Variants in TPO observed in about 807,000 individuals in gnomAD.
TPO encodes the protein thyroid peroxidase.
Under a neutral mutation model 96.9 loss-of-function variants are expected in TPO, and 78 were observed. The ratio of observed to expected loss-of-function variants is 0.81; its 90% CI spans 0.67 to 0.97. TPO has a LOEUF of 0.97. Ranked by LOEUF, TPO falls within the 50% of genes least tolerant of loss-of-function variation. TPO has a pLI of 0.00. For missense variants in TPO, 1,252 were observed against 1,274.8 expected, an observed-to-expected ratio of 0.98 and a Z score of 0.27; for synonymous variants, 547 against 538.0, an observed-to-expected ratio of 1.02 and a Z score of -0.23.
intron 10 of TPO, 131 bp from the exon 11 acceptor site, chr2:1,493,671 G>A (rs1672031640): frequency 9.2e-7 from 1 of 1,083,272 alleles, no homozygotes; most frequent in Non-Finnish European, 1.4e-6. Flanking sequence ...CAAACTGCCA[G>A]GCAGTGTCAC....
intron 15 of TPO, among the ~76,000 whole-genome samples, chr2:1,523,185 TC>T (rs369142855): frequency 4.6e-5 from 2 of 43,794 alleles, no homozygotes; most frequent in Non-Finnish European, 8.4e-5. Context: ...CCTCCTCAAA[TC>T]CCCCCAACTG....
intron 10 of TPO, among the ~76,000 whole-genome samples, chr2:1,489,146 GCCCAGCACATA>G (rs1671460532): frequency 7.0e-6 from 1 of 142,186 alleles, no homozygotes; most frequent in African/African-American, 2.7e-5. Flanking sequence ...ACCAGCACAT[GCCCAGCACATA>G]CCCAGCACAC....
chr2:1,420,749 T>C (rs1663428178), intron 2 of TPO, among the ~76,000 whole-genome samples: 1 of 151,946 alleles, frequency 6.6e-6, no homozygotes, highest in South Asian at 2.1e-4. Context: ...AGAAGGATGG[T>C]GGGGAGATCA....
chr2:1,406,628 C>T (rs1281753550), intron 1 of TPO, among the ~76,000 whole-genome samples: 1 of 152,216 alleles, frequency 6.6e-6, no homozygotes, highest in African/African-American at 2.4e-5. Flanking sequence ...GCATCTTCCT[C>T]TCTATTAATC....
intron 3 of TPO, among the ~76,000 whole-genome samples, chr2:1,429,170 G>A (rs546320581): frequency 4.6e-5 from 7 of 152,210 alleles, no homozygotes; most frequent in Admixed American, 2.6e-4. Context: ...GTTACTTCAC[G>A]TGAGATCTGG....
intron 15 of TPO, among the ~76,000 whole-genome samples, chr2:1,538,862 G>T (rs13392535): frequency 0.13 from 19,327 of 152,196 alleles, 1,336 homozygotes; most frequent in Non-Finnish European, 0.14. Flanking sequence ...TTGGAAGGAC[G>T]AATGCGCCTT....
intron 15 of TPO, among the ~76,000 whole-genome samples, chr2:1,524,581 TACTGTGTGTAACCTCCTCAAATCCGCTC>T (rs1422707984): frequency 1.3e-3 from 26 of 20,500 alleles, no homozygotes; most frequent in South Asian, 3.1e-3. Context: ...CCAATCCCCC[TACTGTGTGTAACCTCCTCAAATCCGCTC>T]ACTGTGTGCA....
chr2:1,496,436 C>T (rs939323315), intron 12 of TPO, among the ~76,000 whole-genome samples, 159 bp from the exon 13 acceptor site: 2 of 152,260 alleles, frequency 1.3e-5, no homozygotes, highest in East Asian at 1.9e-4. Context: ...GGGAAGAGGC[C>T]GTGTGTGCTG....
upstream of TPO, among the ~76,000 whole-genome samples, chr2:1,411,810 G>A (rs1406370662): frequency 6.6e-6 from 1 of 152,060 alleles, no homozygotes; most frequent in Non-Finnish European, 1.5e-5. Context: ...CCTTTGTCTT[G>A]TAAGGAGCTG....
intron 15 of TPO, among the ~76,000 whole-genome samples, chr2:1,522,136 C>T (rs961716861): frequency 7.5e-5 from 9 of 120,616 alleles, no homozygotes; most frequent in East Asian, 2.3e-4. Context: ...GCCCTGCCAC[C>T]GTGCCCTTAC....
chr2:1,487,604 G>A (rs1671290325), intron 9 of TPO, among the ~76,000 whole-genome samples: 1 of 152,170 alleles, frequency 6.6e-6, no homozygotes, highest in South Asian at 2.1e-4. Flanking sequence ...AAGCATGGTA[G>A]CGGGCGCCTG....
chr2:1,457,771 C>G (rs1197393885), intron 7 of TPO, among the ~76,000 whole-genome samples: 1 of 151,346 alleles, frequency 6.6e-6, no homozygotes, highest in Non-Finnish European at 1.5e-5. Flanking sequence ...CATGTATTGG[C>G]ACATCACAGG....
chr2:1,419,146 G>A (rs936332370), intron 2 of TPO, among the ~76,000 whole-genome samples: 2 of 152,182 alleles, frequency 1.3e-5, no homozygotes, highest in Admixed American at 6.5e-5. Flanking sequence ...GGGGAACCGT[G>A]CCATGCGCCC....
chr2:1,528,479 C>T (rs1477888715), intron 15 of TPO, among the ~76,000 whole-genome samples: 1 of 144,766 alleles, frequency 6.9e-6, no homozygotes, highest in Admixed American at 6.8e-5. Context: ...CTGTGTGCAA[C>T]CTCCTCAAAT....
chr2:1,412,139 C>T (rs547766768), upstream of TPO, among the ~76,000 whole-genome samples: 44 of 152,352 alleles, frequency 2.9e-4, no homozygotes, highest in African/African-American at 9.4e-4. Context: ...GCCTGTGCCA[C>T]GGGCACCTCC....
rs1397537763 is a variant in TPO at position 1,535,285 on chromosome 2, AACCTCCTCAAATCCCTG to A, written c.2619-5308_2619-5292del. The stretch of plus-strand genomic sequence containing the variant: ...TCCCAAAATCCCCCATACTGTATGC[AACCTCCTCAAATCCCTG>A]TACTGTGTGCAACCTCCTCAAATCC... On this transcript the variant is annotated intron_variant, in intron 15 of 16. Coordinates refer to ENST00000329066, the MANE Select transcript of TPO (RefSeq NM_001206744.2). 2.0e-3 allele frequency among the ~76,000 whole-genome samples: 264 copies of A among 129,772 alleles called. 17 individuals carry two copies. Among genetic ancestry groups the A allele is most frequent in the Middle Eastern group, 4.7e-3 (1 of 214 alleles). 85.1% of individuals were successfully genotyped at this position (129,772 alleles called of 152,430 possible).
rs1461423076 is a variant in TPO, at chr2:1,525,959, A to G, written c.2618+8977A>G. Among the ~76,000 whole-genome samples the G allele has an allele frequency of 4.0e-4, 37 of 92,310 alleles. 1 individual carries two copies. Among genetic ancestry groups the G allele is most frequent in the African/African-American group, 1.5e-3 (35 of 23,018 alleles). 60.6% of individuals were successfully genotyped at this position (92,310 alleles called of 152,430 possible). A position where few individuals can be genotyped will look rare whatever the true frequency, so the allele number is the denominator to read the frequency against. ...TCCTCATATCCCCCGACTGTTTACA[A>G]CCTTCCCAAATCTCCCCACTGTGAG... On this transcript the variant is annotated intron_variant, in intron 15 of 16. Coordinates refer to ENST00000329066, the MANE Select transcript of TPO (RefSeq NM_001206744.2).
chr2:1,427,978 A>G (rs962105235), intron 3 of TPO, among the ~76,000 whole-genome samples: 11 of 152,196 alleles, frequency 7.2e-5, no homozygotes, highest in African/African-American at 2.7e-4. Flanking sequence ...AATCAAATGA[A>G]GCTATTGGAT....
intron 5 of TPO, among the ~76,000 whole-genome samples, chr2:1,445,467 T>C (rs1272514799): frequency 9.1e-5 from 8 of 88,058 alleles, no homozygotes; most frequent in Admixed American, 1.1e-4. Context: ...GATCCAGTCA[T>C]TGCTGCAGGA....
Sources: gnomAD v4.1 joint callset for allele counts (sites outside exome capture counted in the v4.1 genomes callset) on GRCh38, gnomAD v4.1.1 for gene constraint, MANE v1.5 for transcripts, NCBI Gene and HGNC (gene_info 2026-07-23, HGNC 2026-07-21) for gene names.